Variants in DGLUCY observed in about 807,000 individuals in gnomAD.
DGLUCY encodes the protein D-glutamate cyclase, mitochondrial.
DGLUCY carries 58 observed loss-of-function variants against 58.5 expected under a neutral mutation model. That is an observed-to-expected ratio of 0.99 (90% confidence interval 0.80 to 1.23). DGLUCY has a LOEUF of 1.23. DGLUCY is among the 50% of genes most tolerant of loss of function. The pLI is 0.00. For missense variants in DGLUCY, 779 were observed against 784.7 expected (o/e 0.99, Z 0.09); for synonymous variants, 325 against 314.1 (o/e 1.03, Z -0.37).
intron 12 of DGLUCY, among the ~76,000 whole-genome samples, chr14:91,206,988 T>A (rs927315602): frequency 5.9e-5 from 9 of 151,728 alleles, no homozygotes; most frequent in African/African-American, 1.9e-4. Flanking sequence ...CAAGATACCA[T>A]CTCTGTAAAC....
intron 13 of DGLUCY, chr14:91,223,641 AG>A: frequency 7.8e-7 from 1 of 1,276,458 alleles, no homozygotes; most frequent in Non-Finnish European, 1.0e-6. Context: ...GGGGGGATGG[AG>A]GAGGATCAAA....
intron 1 of DGLUCY, among the ~76,000 whole-genome samples, chr14:91,092,661 C>T (rs1043654548): frequency 6.6e-6 from 1 of 152,110 alleles, no homozygotes; most frequent in Non-Finnish European, 1.5e-5. Context: ...CTTGCTGTAA[C>T]GGTATAATAG....
At chr14:91,090,268 A>G (rs1301728395) in intron 1 of DGLUCY, among the ~76,000 whole-genome samples, 2 of 151,974 alleles carry the variant, frequency 1.3e-5, no homozygotes, top group Admixed American at 6.6e-5. Context: ...CTTCCATCCC[A>G]GTCATGGATC....
rs1267442999 is a variant in DGLUCY, at chr14:91,142,222, TC to T, written c.-81-15416del. Among the ~76,000 whole-genome samples, 48 of 152,290 alleles carry T rather than the reference TC, an allele frequency of 3.2e-4. 1 individual carries two copies. Among genetic ancestry groups the T allele is most frequent in the African/African-American group, 1.0e-3 (43 of 41,552 alleles). ...GGCATTCAGTCTATATTTATCTGAC[TC>T]TAGAACTTGTGGTCTGAATTGCTAC... On this transcript the variant is annotated intron_variant, in intron 1 of 13. Coordinates refer to ENST00000256324, the MANE Select transcript of DGLUCY (RefSeq NM_001102368.3).
chr14:91,174,276 C>T (rs891176531), intron 6 of DGLUCY, among the ~76,000 whole-genome samples: 1 of 152,244 alleles, frequency 6.6e-6, no homozygotes, highest in East Asian at 1.9e-4. Flanking sequence ...GTATCCTTTG[C>T]AATATCCTTT....
rs565064026 is a variant in DGLUCY at position 91,066,802 on chromosome 14, C to T, written c.-82+6098C>T. ...CCTTGCTAGAAAGAGTTATTTCGGC[C>T]GGGCGCGGTGGCTCACGCCTGTAAT... On this transcript the variant is annotated intron_variant, in intron 1 of 4. Transcript: ENST00000521334. Among the ~76,000 whole-genome samples the T allele has an allele frequency of 5.9e-4, 89 of 152,010 alleles. 1 individual carries two copies. Among genetic ancestry groups the T allele is most frequent in the African/African-American group, 1.9e-3 (80 of 41,474 alleles).
intron 11 of DGLUCY, among the ~76,000 whole-genome samples, chr14:91,200,858 G>A (rs913443301): frequency 6.6e-5 from 10 of 152,280 alleles, no homozygotes; most frequent in African/African-American, 2.4e-4. Context: ...GCGAAGGGTC[G>A]TGGGATTATC....
At position 91,173,438 on chromosome 14, in the gene DGLUCY, A is replaced by G; in HGVS notation, c.606A>G (p.Pro202=). Residue 202 remains proline, a splice_region_variant and synonymous_variant, in exon 6 of 14, where the codon CCA becomes CCG. Coordinates refer to ENST00000256324, the MANE Select transcript of DGLUCY (RefSeq NM_001102368.3). The part of the protein sequence containing the change: ...EQGQPVHMGD[P]ELLGIKELSK... ...GGCAACCTGTTCACATGGGCGACCC[A>G]GGTCAGTGTCTCTCGCTCCTGCCCA... 6.3e-7 allele frequency: 1 copy of G among 1,597,926 alleles called. No individual in the cohort carries two copies. The highest frequency in any genetic ancestry group is 1.1e-5 in the South Asian group (1 of 88,748).
chr14:91,066,947 G>T (rs957931460), intron 1 of DGLUCY, among the ~76,000 whole-genome samples: 2 of 151,852 alleles, frequency 1.3e-5, no homozygotes, highest in Non-Finnish European at 2.9e-5. Context: ...CGTGCATGGT[G>T]GCGGGCGCCA....
At chr14:91,074,102 AAAAT>A (rs1313243984) in intron 1 of DGLUCY, among the ~76,000 whole-genome samples, 41 of 79,354 alleles carry the variant, frequency 5.2e-4, no homozygotes, top group African/African-American at 1.7e-3. Flanking sequence ...CCAAAAAAAA[AAAAT>A]ATATATATAT....
intron 13 of DGLUCY, among the ~76,000 whole-genome samples, chr14:91,221,655 G>A (rs994547947): frequency 3.3e-5 from 5 of 152,086 alleles, no homozygotes; most frequent in Non-Finnish European, 5.9e-5. Context: ...TTGATGGATG[G>A]GTGATGCAGA....
upstream of DGLUCY, among the ~76,000 whole-genome samples, chr14:91,105,854 A>G (rs960273906): frequency 6.6e-6 from 1 of 152,214 alleles, no homozygotes; most frequent in African/African-American, 2.4e-5. Flanking sequence ...GCTACGACAC[A>G]TCTAGGCTAT....
chr14:91,196,979 G>A (rs897530530), intron 10 of DGLUCY, among the ~76,000 whole-genome samples: 5 of 151,900 alleles, frequency 3.3e-5, no homozygotes, highest in African/African-American at 4.8e-5. Flanking sequence ...TTTCTTTTAG[G>A]GGGTGGGGAT....
intron 1 of DGLUCY, among the ~76,000 whole-genome samples, chr14:91,123,484 T>TAA (rs10631451): frequency 0.83 from 123,605 of 148,952 alleles, 51,420 homozygotes; most frequent in East Asian, 0.99. Flanking sequence ...TGGAGACAGT[T>TAA]AAAAAAAAAA....
intron 1 of DGLUCY, among the ~76,000 whole-genome samples, chr14:91,091,616 A>G (rs866049322): frequency 4.6e-5 from 7 of 152,340 alleles, no homozygotes; most frequent in Middle Eastern, 3.4e-3. Flanking sequence ...AAATAATGCA[A>G]AAAGTTCTGA....
intron 1 of DGLUCY, among the ~76,000 whole-genome samples, chr14:91,131,998 C>G (rs922880634): frequency 2.6e-5 from 4 of 152,090 alleles, no homozygotes; most frequent in Non-Finnish European, 5.9e-5. Context: ...TCTCCATGTT[C>G]GTCAGGCTGA....
intron 3 of DGLUCY, among the ~76,000 whole-genome samples, chr14:91,162,293 A>C (rs1296367212): frequency 6.6e-6 from 1 of 152,176 alleles, no homozygotes; most frequent in Non-Finnish European, 1.5e-5. Flanking sequence ...CTCTCTTGTC[A>C]TTAAGTTAAA....
At chr14:91,202,230 G>A (rs1200282978) in intron 11 of DGLUCY, among the ~76,000 whole-genome samples, 1 of 152,058 alleles carries the variant, frequency 6.6e-6, no homozygotes, top group Non-Finnish European at 1.5e-5. Flanking sequence ...AATTAGTGTT[G>A]CTGGTAGCAT....
At chr14:91,124,916 T>C (rs1380525945) in intron 1 of DGLUCY, among the ~76,000 whole-genome samples, 2 of 152,272 alleles carry the variant, frequency 1.3e-5, no homozygotes, top group African/African-American at 2.4e-5. Context: ...GGCATGCTTA[T>C]ACTGGTCCAA....
Sources: gnomAD v4.1 joint callset for allele counts (sites outside exome capture counted in the v4.1 genomes callset) on GRCh38, gnomAD v4.1.1 for gene constraint, MANE v1.5 for transcripts, NCBI Gene and HGNC (gene_info 2026-07-23, HGNC 2026-07-21) for gene names.